The following MCUB variants were observed in gnomAD, a reference collection of about 807,000 sequenced individuals.
MCUB encodes the protein mitochondrial calcium uniporter dominant negative subunit beta.
Under a neutral mutation model 41.4 loss-of-function variants are expected in MCUB, and 46 were observed. That is an observed-to-expected ratio of 1.11 (90% CI 0.88 to 1.42). MCUB has a LOEUF of 1.42. Among genes scored for constraint, MCUB ranks in the 40% most tolerant of loss-of-function variants. The probability of loss-of-function intolerance (pLI) is 0.00; values close to 1 mark genes in which losing one functional copy is unlikely to be tolerated. For synonymous variants in MCUB, 148 were observed against 148.2 expected, an observed-to-expected ratio of 1.00 and a Z score of 0.01; for missense variants, 403 against 404.9, an observed-to-expected ratio of 1.00 and a Z score of 0.04.
chr4:109,681,507 C>G (rs1474338429), intron 4 of MCUB: 2 of 448,844 alleles, frequency 4.5e-6, no homozygotes, highest in South Asian at 3.2e-5. Context: ...TGATGGCAAG[C>G]CTCGTGTTCT....
intron 1 of MCUB, among the ~76,000 whole-genome samples, chr4:109,646,640 C>A (rs1230217049): frequency 3.3e-5 from 5 of 152,188 alleles, no homozygotes; most frequent in Non-Finnish European, 7.4e-5. Flanking sequence ...CAATGAGATG[C>A]TACATAACTT....
At chr4:109,671,526 G>A (rs1729459517) in intron 4 of MCUB, among the ~76,000 whole-genome samples, 1 of 152,058 alleles carries the variant, frequency 6.6e-6, no homozygotes, top group African/African-American at 2.4e-5. Context: ...CCCATCAAAG[G>A]CATTCTTCAT....
At chr4:109,609,627 C>G (rs12510716) in intron 1 of MCUB, among the ~76,000 whole-genome samples, 34,097 of 152,120 alleles carry the variant, frequency 0.22, 4,676 homozygotes, top group South Asian at 0.34. Flanking sequence ...TTATTTTACC[C>G]AGTCCCTATT....
intron 1 of MCUB, among the ~76,000 whole-genome samples, chr4:109,609,626 C>T (rs979755536): frequency 6.6e-6 from 1 of 152,082 alleles, no homozygotes; most frequent in Non-Finnish European, 1.5e-5. Flanking sequence ...CTTATTTTAC[C>T]CAGTCCCTAT....
rs117591593 is a variant in MCUB, at chr4:109,602,681, C to G, written c.99+42245C>G. Among the ~76,000 whole-genome samples, 545 of 152,246 alleles carry G rather than the reference C, an allele frequency of 3.6e-3. 6 individuals are homozygous for G. Among genetic ancestry groups the G allele is most frequent in the East Asian group, 0.014 (71 of 5,180 alleles). ...TTCTTTTTGCTTAGGATAGTTTTGG[C>G]TAATCTAGGTCTTTTGTGGTTCCAT... On this transcript the variant is annotated intron_variant, in intron 1 of 7. Coordinates refer to ENST00000394650, the MANE Select transcript of MCUB (RefSeq NM_017918.5).
At chr4:109,647,549 T>G (rs1398304553) in intron 1 of MCUB, among the ~76,000 whole-genome samples, 1 of 152,242 alleles carries the variant, frequency 6.6e-6, no homozygotes, top group Admixed American at 6.5e-5. Flanking sequence ...TATTCCATTA[T>G]TTAGACGTAC....
At chr4:109,598,759 CTTA>C (rs1392828313) in intron 1 of MCUB, among the ~76,000 whole-genome samples, 8 of 152,158 alleles carry the variant, frequency 5.3e-5, no homozygotes, top group Non-Finnish European at 7.4e-5. Context: ...GCTGAGACTT[CTTA>C]TTGAGTTCGT....
At chr4:109,603,784 C>T (rs197207) in intron 1 of MCUB, among the ~76,000 whole-genome samples, 33,561 of 149,778 alleles carry the variant, frequency 0.22, 4,638 homozygotes, top group South Asian at 0.34. Context: ...CGCCCCCGCC[C>T]GGCAGCCTCC....
chr4:109,574,390 C>T (rs1726982036), intron 1 of MCUB, among the ~76,000 whole-genome samples: 1 of 152,058 alleles, frequency 6.6e-6, no homozygotes, highest in African/African-American at 2.4e-5. Flanking sequence ...GTGTAGGACT[C>T]CCAAGTTTCT....
intron 1 of MCUB, among the ~76,000 whole-genome samples, chr4:109,637,939 A>G (rs950226293): frequency 2.6e-5 from 4 of 152,254 alleles, no homozygotes; most frequent in South Asian, 2.1e-4. Flanking sequence ...ATGACTGTAT[A>G]TAGGCATACC....
chr4:109,562,256 C>T (rs567230143), intron 1 of MCUB, among the ~76,000 whole-genome samples: 81 of 152,058 alleles, frequency 5.3e-4, no homozygotes, highest in Non-Finnish European at 8.2e-4. Context: ...CTTATTAGGC[C>T]TAATAACAGG....
chr4:109,671,251 T>G (rs1253525883), intron 4 of MCUB, among the ~76,000 whole-genome samples: 1 of 152,194 alleles, frequency 6.6e-6, no homozygotes, highest in African/African-American at 2.4e-5. Flanking sequence ...AAATTACCAT[T>G]TTGGCCATTA....
At chr4:109,659,206 C>A in intron 2 of MCUB, 120 bp downstream of exon 2, 1 of 649,394 alleles carries the variant, frequency 1.5e-6, no homozygotes, top group Non-Finnish European at 2.8e-6. Flanking sequence ...TCCCACCCCA[C>A]CCTGATTGGG....
chr4:109,678,628 G>GAT (rs1729634498), intron 4 of MCUB, among the ~76,000 whole-genome samples: 1 of 146,990 alleles, frequency 6.8e-6, no homozygotes, highest in African/African-American at 2.5e-5. Flanking sequence ...CCTCCCAGAC[G>GAT]GGGTGGCGGC....
chr4:109,567,271 G>A (rs1426888661), intron 1 of MCUB, among the ~76,000 whole-genome samples: 1 of 151,610 alleles, frequency 6.6e-6, no homozygotes, highest in Non-Finnish European at 1.5e-5. Flanking sequence ...TCAACCTCTT[G>A]GGCGTAACAG....
intron 1 of MCUB, among the ~76,000 whole-genome samples, chr4:109,653,328 G>A (rs945009647): frequency 6.6e-6 from 1 of 151,154 alleles, no homozygotes; most frequent in Non-Finnish European, 1.5e-5. Context: ...GCAGTGAGCC[G>A]AGTTCATGCC....
chr4:109,597,771 G>A lies in MCUB; in HGVS notation c.99+37335G>A, dbSNP rs1161151551. On this transcript the variant is annotated intron_variant, in intron 1 of 7. Transcript: ENST00000394650. ...CTCCCTCCCGGACGGGGTGGCTGCC[G>A]GGCGGAGAGGCTCCTCACTTCTCAG... Among the ~76,000 whole-genome samples, 31 of 151,090 alleles carry A rather than the reference G, an allele frequency of 2.1e-4. 1 individual carries two copies. The highest frequency in any genetic ancestry group is 1.6e-3 in the East Asian group (8 of 5,056).
intron 4 of MCUB, among the ~76,000 whole-genome samples, chr4:109,677,472 C>G (rs546228883): frequency 6.6e-6 from 1 of 152,130 alleles, no homozygotes; most frequent in African/African-American, 2.4e-5. Flanking sequence ...GGGGCCGGGG[C>G]AGAATGCTAT....
At chr4:109,678,648 G>T (rs192245924) in intron 4 of MCUB, among the ~76,000 whole-genome samples, 1 of 141,076 alleles carries the variant, frequency 7.1e-6, no homozygotes, top group African/African-American at 2.7e-5. Flanking sequence ...CCGGGCAGAG[G>T]CGCTCCTCAC....
Sources: gnomAD v4.1 joint callset for allele counts (sites outside exome capture counted in the v4.1 genomes callset) on GRCh38, gnomAD v4.1.1 for gene constraint, MANE v1.5 for transcripts, NCBI Gene and HGNC (gene_info 2026-07-23, HGNC 2026-07-21) for gene names.